Variants in NTNG1 observed in about 807,000 individuals in gnomAD.
NTNG1 encodes the protein netrin-G1.
Under a neutral mutation model 54.0 loss-of-function variants are expected in NTNG1, and 16 were observed. The observed-to-expected ratio is 0.30, with a 90% CI of 0.20 to 0.45. NTNG1 has a LOEUF of 0.45. NTNG1 is among the 20% of genes least tolerant of loss of function. NTNG1 has a pLI of 1.00. For synonymous variants in NTNG1, 255 were observed against 263.1 expected (o/e 0.97, Z 0.30); for missense variants, 530 against 678.7 (o/e 0.78, Z 2.43).
chr1:107,471,345 G>A (rs1197452823), intron 7 of NTNG1, among the ~76,000 whole-genome samples: 1 of 152,166 alleles, frequency 6.6e-6, no homozygotes, highest in Non-Finnish European at 1.5e-5. Context: ...GATGCATACA[G>A]ACAAACTTGA....
At chr1:107,451,091 T>C (rs1302473894) in intron 7 of NTNG1, among the ~76,000 whole-genome samples, 1 of 143,122 alleles carries the variant, frequency 7.0e-6, no homozygotes, top group Non-Finnish European at 1.5e-5. Flanking sequence ...TCAATTCCCT[T>C]TTTTCTTTCT....
At chr1:107,342,920 T>C (rs1425128595) in intron 3 of NTNG1, among the ~76,000 whole-genome samples, 1 of 152,150 alleles carries the variant, frequency 6.6e-6, no homozygotes, top group Admixed American at 6.6e-5. Context: ...TCCCTATCCC[T>C]GTGCCTCCTA....
At chr1:107,177,626 C>T (rs1248562676) in intron 2 of NTNG1, among the ~76,000 whole-genome samples, 2 of 152,288 alleles carry the variant, frequency 1.3e-5, no homozygotes, top group East Asian at 3.9e-4. Context: ...AACCACCGCT[C>T]CCGGCCTTAA....
At chr1:107,476,961 T>G (rs591458) in intron 7 of NTNG1, among the ~76,000 whole-genome samples, 140,711 of 152,304 alleles carry the variant, frequency 0.92, 65,221 homozygotes, top group East Asian at 1. Context: ...CAGAGAGAAT[T>G]TATTAAAAGA....
chr1:107,310,359 G>A lies in NTNG1; in HGVS notation c.247-13923G>A, dbSNP rs148373115. Among the ~76,000 whole-genome samples the A allele has an allele frequency of 2.8e-3, 421 of 152,138 alleles. 1 individual carries two copies. The highest frequency in any genetic ancestry group is 4.6e-3 in the Non-Finnish European group (310 of 67,952). ...CTCAATCTTGTCTTGCTAGTATATT[G>A]TAGCTAATAGGGAAGAATCAGCCTT... On this transcript the variant is annotated intron_variant, in intron 2 of 7. Coordinates refer to ENST00000370068, the MANE Select transcript of NTNG1 (RefSeq NM_001113226.3).
At chr1:107,191,787 A>C (rs1473176228) in intron 2 of NTNG1, among the ~76,000 whole-genome samples, 2 of 151,636 alleles carry the variant, frequency 1.3e-5, no homozygotes, top group African/African-American at 4.9e-5. Flanking sequence ...ATTGGTCTAT[A>C]TCTCTGTTTT....
chr1:107,220,875 A>T (rs1187734239), intron 2 of NTNG1, among the ~76,000 whole-genome samples: 4 of 152,204 alleles, frequency 2.6e-5, no homozygotes, highest in Admixed American at 2.0e-4. Context: ...TATTTCCCTT[A>T]TCCCACCACT....
At chr1:107,437,855 A>G (rs546851483) in intron 7 of NTNG1, among the ~76,000 whole-genome samples, 1 of 152,254 alleles carries the variant, frequency 6.6e-6, no homozygotes, top group South Asian at 2.1e-4. Flanking sequence ...AGGGCTGCCC[A>G]TATTGTAAGG....
intron 2 of NTNG1, among the ~76,000 whole-genome samples, chr1:107,206,329 GT>G (rs1449561046): frequency 1.3e-5 from 2 of 152,034 alleles, no homozygotes; most frequent in African/African-American, 4.8e-5. Context: ...CTCTTTTGCT[GT>G]TTCTAAAGTG....
At chr1:107,450,450 A>G (rs1459189985) in intron 7 of NTNG1, among the ~76,000 whole-genome samples, 3 of 152,120 alleles carry the variant, frequency 2.0e-5, no homozygotes, top group Non-Finnish European at 4.4e-5. Flanking sequence ...AGATAATAAA[A>G]CTATAAATGA....
chr1:107,308,769 A>G (rs1666835064), intron 2 of NTNG1, among the ~76,000 whole-genome samples: 2 of 152,134 alleles, frequency 1.3e-5, no homozygotes, highest in East Asian at 1.9e-4. Context: ...ATAATATTGA[A>G]TCTTCCTATT....
chr1:107,457,435 AT>A (rs1196517712), intron 7 of NTNG1, among the ~76,000 whole-genome samples: 2 of 152,232 alleles, frequency 1.3e-5, no homozygotes, highest in Non-Finnish European at 2.9e-5. Flanking sequence ...AGATATGAGC[AT>A]TCATCCAACA....
At chr1:107,319,144 C>T (rs1667500994) in intron 2 of NTNG1, among the ~76,000 whole-genome samples, 1 of 152,136 alleles carries the variant, frequency 6.6e-6, no homozygotes, top group South Asian at 2.1e-4. Context: ...CTCAGCGTGA[C>T]CTGTGAACAT....
At chr1:107,272,747 C>G (rs1378924495) in intron 2 of NTNG1, among the ~76,000 whole-genome samples, 1 of 152,100 alleles carries the variant, frequency 6.6e-6, no homozygotes, top group Non-Finnish European at 1.5e-5. Context: ...TAATAGTGCT[C>G]TCTAAGTCAC....
chr1:107,210,349 A>G (rs977751161), intron 2 of NTNG1, among the ~76,000 whole-genome samples: 1 of 152,212 alleles, frequency 6.6e-6, no homozygotes, highest in African/African-American at 2.4e-5. Flanking sequence ...GTCAACAATG[A>G]TAAAGACTTG....
chr1:107,382,732 G>A (rs1016593305), intron 3 of NTNG1, among the ~76,000 whole-genome samples: 2 of 152,038 alleles, frequency 1.3e-5, no homozygotes, highest in East Asian at 3.9e-4. Flanking sequence ...TTCCTTTGGT[G>A]GGCTTGGGTT....
chr1:107,381,348 T>TAAAAAA (rs10598493), intron 3 of NTNG1, among the ~76,000 whole-genome samples: 14 of 51,656 alleles, frequency 2.7e-4, no homozygotes, highest in African/African-American at 9.5e-4. Flanking sequence ...TCTCTTTAAC[T>TAAAAAA]AAAAAAAAAA....
intron 3 of NTNG1, among the ~76,000 whole-genome samples, chr1:107,367,006 T>C (rs1208224658): frequency 6.6e-6 from 1 of 152,190 alleles, no homozygotes; most frequent in African/African-American, 2.4e-5. Context: ...AATAAGCATA[T>C]ATTCATTAGT....
In NTNG1 at chr1:107,436,701, G is replaced by T. The variant is rs561680588; in HGVS notation, c.1292G>T (p.Arg431Leu). The change falls in exon 7 of 8, where the codon CGT becomes CTT. Residue 431 changes from arginine to leucine, a missense_variant. By Grantham distance (102) the Arg-to-Leu change is moderately radical (BLOSUM62 -2). Coordinates refer to ENST00000370068, the MANE Select transcript of NTNG1 (RefSeq NM_001113226.3). ...YCNPLGSIHD[R>L]CNGSGFCECK... ...AACCCTTTGGGCTCAATCCATGATC[G>T]TTGTAATGGCTCAGGATTTTGTGAG... The T allele has an allele frequency of 5.0e-6, 8 of 1,613,348 alleles. No individual in the cohort carries two copies. The highest frequency in any genetic ancestry group is 1.1e-5 in the South Asian group (1 of 91,054).
Sources: allele counts gnomAD v4.1 joint callset (sites outside exome capture counted in the v4.1 genomes callset), GRCh38; gene constraint gnomAD v4.1.1; transcripts MANE v1.5; gene names NCBI Gene and HGNC (gene_info 2026-07-23, HGNC 2026-07-21).